ADCY9: variants seen among roughly 807,000 people sequenced by gnomAD.
ADCY9 encodes the protein adenylate cyclase type 9.
Under a neutral mutation model 101.5 loss-of-function variants are expected in ADCY9, and 50 were observed. The ratio of observed to expected loss-of-function variants is 0.49; its 90% CI spans 0.39 to 0.62. The LOEUF (loss-of-function observed/expected upper bound fraction) is 0.62. Ranked by LOEUF, ADCY9 falls within the 20% of genes least tolerant of loss-of-function variation. The pLI, the probability that ADCY9 is intolerant of heterozygous loss-of-function variation, is 0.00. For synonymous variants in ADCY9, 905 were observed against 769.3 expected (o/e 1.18, Z -2.92); for missense variants, 1,662 against 1,800.4 (o/e 0.92, Z 1.39).
At chr16:4,067,973 C>T (rs78351545) in intron 2 of ADCY9, among the ~76,000 whole-genome samples, 156 of 152,110 alleles carry the variant, frequency 1.0e-3, no homozygotes, top group African/African-American at 3.5e-3. Flanking sequence ...AGGGAAAAAC[C>T]GTGGCAATAA....
At chr16:3,985,055 G>A (rs983168985) in intron 6 of ADCY9, among the ~76,000 whole-genome samples, 1 of 152,110 alleles carries the variant, frequency 6.6e-6, no homozygotes, top group African/African-American at 2.4e-5. Flanking sequence ...GCTCTGTAGT[G>A]CCCAAAAGGG....
intron 2 of ADCY9, among the ~76,000 whole-genome samples, chr16:4,059,379 G>T (rs75622914): frequency 2.5e-5 from 3 of 118,470 alleles, no homozygotes; most frequent in South Asian, 3.0e-4. Flanking sequence ...AGAATCCATC[G>T]AAAAAAAAAA....
intron 2 of ADCY9, among the ~76,000 whole-genome samples, chr16:4,057,229 C>T (rs2056746056): frequency 6.6e-6 from 1 of 152,136 alleles, no homozygotes; most frequent in Non-Finnish European, 1.5e-5. Context: ...CAGCCTCCAA[C>T]CCCTGGCCTC....
At chr16:4,094,414 A>G (rs962751505) in intron 2 of ADCY9, among the ~76,000 whole-genome samples, 2 of 152,196 alleles carry the variant, frequency 1.3e-5, no homozygotes, top group African/African-American at 4.8e-5. Flanking sequence ...CAGCCGTGCA[A>G]ATCACAGCAA....
At chr16:3,972,230 T>C (rs1055030621) in intron 10 of ADCY9, among the ~76,000 whole-genome samples, 34 of 117,516 alleles carry the variant, frequency 2.9e-4, no homozygotes, top group Non-Finnish European at 6.8e-4. Flanking sequence ...TTTCTTTTTC[T>C]TTTCTTTTTT....
intron 2 of ADCY9, among the ~76,000 whole-genome samples, chr16:4,053,047 C>T (rs1171464399): frequency 1.3e-5 from 2 of 152,148 alleles, no homozygotes; most frequent in African/African-American, 2.4e-5. Flanking sequence ...CTATTACATG[C>T]GTGGCATAGT....
intron 2 of ADCY9, among the ~76,000 whole-genome samples, chr16:4,018,811 C>T (rs111524203): frequency 5.9e-5 from 9 of 152,084 alleles, no homozygotes; most frequent in East Asian, 1.9e-4. Flanking sequence ...AGTCATCTAA[C>T]GGAGAAACCC....
intron 2 of ADCY9, among the ~76,000 whole-genome samples, chr16:4,022,896 GA>G (rs1369279079): frequency 6.6e-6 from 1 of 152,154 alleles, no homozygotes; most frequent in Non-Finnish European, 1.5e-5. Context: ...AATCCGTTAA[GA>G]ATGAGATTAG....
intron 3 of ADCY9, among the ~76,000 whole-genome samples, chr16:4,006,920 C>T (rs2056371030): frequency 2.0e-5 from 3 of 152,096 alleles, no homozygotes; most frequent in Non-Finnish European, 2.9e-5. Context: ...AGGATTCACC[C>T]ACACCAACAT....
At chr16:3,978,144 G>A (rs2531989) in intron 8 of ADCY9, among the ~76,000 whole-genome samples, 115,922 of 152,134 alleles carry the variant, frequency 0.76, 44,957 homozygotes, top group Non-Finnish European at 0.84. Context: ...TTCCCTACCC[G>A]GCGTGAGGCT....
chr16:3,970,145 T>C (rs1401429619), intron 10 of ADCY9, among the ~76,000 whole-genome samples: 3 of 152,128 alleles, frequency 2.0e-5, no homozygotes, highest in South Asian at 4.1e-4. Flanking sequence ...TATATACTTA[T>C]ATATGCGACT....
rs2056262445 is a variant in ADCY9, at chr16:3,993,408, T to C, written c.1987A>G (p.Lys663Glu). The C allele has an allele frequency of 6.2e-7, 1 of 1,613,962 alleles. No individual in the cohort carries two copies. Among genetic ancestry groups the C allele is most frequent in the Non-Finnish European group, 8.5e-7 (1 of 1,179,788 alleles). ...AACAACAGCCATGAGCTTGTTACCT[T>C]GGTGCTGTTTTTATGCTCGTCTTGG... ...GCQDEHKNST[K>E]ASGGPNPKTQ... is the part of the protein sequence containing the mutation. Residue 663 changes from lysine to glutamate, a missense_variant and splice_region_variant, in exon 4 of 11, where the codon AAG becomes GAG. Lys to Glu is a moderately conservative substitution (Grantham distance 56, BLOSUM62 1). This residue lies in a region of ADCY9 where 624 missense variants were observed against 639.1 expected (regional missense o/e 0.98). Coordinates refer to ENST00000294016, the MANE Select transcript of ADCY9 (RefSeq NM_001116.4).
At chr16:4,077,006 G>A (rs1284847191) in intron 2 of ADCY9, among the ~76,000 whole-genome samples, 3 of 151,914 alleles carry the variant, frequency 2.0e-5, no homozygotes, top group African/African-American at 4.8e-5. Context: ...GAACCTCAGA[G>A]GTGGACGTTG....
intron 2 of ADCY9, among the ~76,000 whole-genome samples, chr16:4,075,980 T>A (rs978528358): frequency 2.0e-5 from 3 of 152,134 alleles, no homozygotes; most frequent in Non-Finnish European, 4.4e-5. Flanking sequence ...GTGACAGATA[T>A]CTAGTTAATG....
intron 2 of ADCY9, among the ~76,000 whole-genome samples, chr16:4,052,168 T>A (rs2056705869): frequency 6.6e-6 from 1 of 152,136 alleles, no homozygotes; most frequent in African/African-American, 2.4e-5. Flanking sequence ...TTCTACAAAG[T>A]AACTGGCCTG....
intron 7 of ADCY9, among the ~76,000 whole-genome samples, chr16:3,979,673 G>C (rs1034372362): frequency 6.6e-6 from 1 of 152,388 alleles, no homozygotes; most frequent in Non-Finnish European, 1.5e-5. Flanking sequence ...GAGGCGTCCT[G>C]GAATTCTGTG....
chr16:4,082,823 A>G (rs1025318260), intron 2 of ADCY9, among the ~76,000 whole-genome samples: 13 of 152,336 alleles, frequency 8.5e-5, no homozygotes, highest in South Asian at 4.1e-4. Context: ...GTTCACCCCA[A>G]TGGGGCTTCC....
At chr16:4,024,406 C>T (rs537961790) in intron 2 of ADCY9, among the ~76,000 whole-genome samples, 3 of 152,300 alleles carry the variant, frequency 2.0e-5, no homozygotes, top group Non-Finnish European at 2.9e-5. Context: ...ATATATCCCT[C>T]GCTCCACTTC....
Position 3,992,102 on chromosome 16 carries a change from T to G in ADCY9, c.2207+44A>C, listed in dbSNP as rs1435125693. 6.3e-7 allele frequency: 1 copy of G among 1,588,650 alleles called. No homozygotes were observed. Among genetic ancestry groups the G allele is most frequent in the Admixed American group, 1.7e-5 (1 of 58,972 alleles). Reference sequence around the variant, plus strand: ...AAGAAAAGAAAAAGGCAGAGAGGCTTCTGCCTGCAACCTTTGCTTTTTCCC... The same window carrying G: ...AAGAAAAGAAAAAGGCAGAGAGGCTGCTGCCTGCAACCTTTGCTTTTTCCC... On this transcript the variant is annotated intron_variant, in intron 5 of 10. Coordinates refer to ENST00000294016, the MANE Select transcript of ADCY9 (RefSeq NM_001116.4). This position sits in a 1 kb window ranked among gnomAD's most constrained non-coding sequence, Gnocchi z 4.2.
Sources: gnomAD v4.1 joint callset for allele counts (sites outside exome capture counted in the v4.1 genomes callset) on GRCh38, gnomAD v4.1.1 for gene constraint, gnomAD v4.1.1 regional missense constraint, Gnocchi (gnomAD v3.1) non-coding constraint, MANE v1.5 for transcripts, NCBI Gene and HGNC (gene_info 2026-07-23, HGNC 2026-07-21) for gene names.